Variants in SGCZ observed in about 807,000 individuals in gnomAD.
The protein encoded by SGCZ is zeta-sarcoglycan.
A neutral mutation model predicts 41.3 loss-of-function variants in SGCZ; 40 were observed. The observed-to-expected ratio is 0.97, with a 90% confidence interval of 0.75 to 1.26. The LOEUF (loss-of-function observed/expected upper bound fraction) is 1.26, where lower values mean the gene tolerates loss of function less well. Among genes scored for constraint, SGCZ ranks in the 50% most tolerant of loss-of-function variants. The pLI is 0.00. For synonymous variants in SGCZ, 206 were observed against 137.5 expected (o/e 1.50, Z -3.49); for missense variants, 552 against 369.8 (o/e 1.49, Z -4.04).
chr8:14,547,145 T>A (rs1253079602), intron 2 of SGCZ, among the ~76,000 whole-genome samples: 1 of 152,166 alleles, frequency 6.6e-6, no homozygotes, highest in Non-Finnish European at 1.5e-5. Flanking sequence ...CAATATAATA[T>A]CTTAATCAGG....
At chr8:14,786,588 A>G (rs1158219941) in intron 1 of SGCZ, among the ~76,000 whole-genome samples, 1 of 152,178 alleles carries the variant, frequency 6.6e-6, no homozygotes, top group East Asian at 1.9e-4. Flanking sequence ...CAGCTAAGCT[A>G]TCTTAAGCCA....
intron 4 of SGCZ, among the ~76,000 whole-genome samples, chr8:14,199,824 T>A (rs1461745825): frequency 6.6e-6 from 1 of 152,158 alleles, no homozygotes; most frequent in Admixed American, 6.5e-5. Context: ...AGTTCACGAC[T>A]GACAATGAAA....
intron 2 of SGCZ, among the ~76,000 whole-genome samples, chr8:14,523,181 A>G (rs1346677367): frequency 6.6e-6 from 1 of 151,980 alleles, no homozygotes; most frequent in African/African-American, 2.4e-5. Context: ...TTCTTGCTTC[A>G]TCCATAAAAT....
chr8:14,936,824 A>G (rs1585393900), intron 1 of SGCZ, among the ~76,000 whole-genome samples: 1 of 151,884 alleles, frequency 6.6e-6, no homozygotes, highest in East Asian at 1.9e-4. Context: ...AAAACAAATC[A>G]AGATAAAAAT....
intron 1 of SGCZ, among the ~76,000 whole-genome samples, chr8:15,160,155 T>C (rs1799467360): frequency 1.3e-5 from 2 of 152,150 alleles, no homozygotes; most frequent in South Asian, 4.1e-4. Context: ...AAACTCTGTA[T>C]CTTTTAAACT....
intron 1 of SGCZ, among the ~76,000 whole-genome samples, chr8:15,000,836 CTG>C (rs1802393006): frequency 6.6e-6 from 1 of 152,212 alleles, no homozygotes; most frequent in Non-Finnish European, 1.5e-5. Flanking sequence ...GTCTGTCTGT[CTG>C]TCTTGCAAGG....
chr8:14,237,928 T>G (rs995522949), intron 3 of SGCZ, among the ~76,000 whole-genome samples: 3 of 152,242 alleles, frequency 2.0e-5, no homozygotes, highest in Admixed American at 2.0e-4. Flanking sequence ...CCAACCCTAC[T>G]GATTGCTGCA....
intron 1 of SGCZ, among the ~76,000 whole-genome samples, chr8:14,702,816 GATAGATAGATA>G (rs1809191044): frequency 1.5e-4 from 1 of 6,820 alleles, no homozygotes; most frequent in East Asian, 5.0e-3. Flanking sequence ...TAGTTAGGTA[GATAGATAGATA>G]GATAGATAGA....
chr8:14,986,406 G>A (rs1313232999), intron 1 of SGCZ, among the ~76,000 whole-genome samples: 3 of 151,920 alleles, frequency 2.0e-5, no homozygotes, highest in Non-Finnish European at 4.4e-5. Context: ...TGACTGATAC[G>A]CACAGCATTT....
intron 2 of SGCZ, among the ~76,000 whole-genome samples, chr8:14,445,702 A>G (rs1800411934): frequency 1.3e-5 from 2 of 152,098 alleles, no homozygotes. Context: ...ATGCTATCAC[A>G]CCAACTATTC....
At chr8:14,895,739 G>A (rs1187550988) in intron 1 of SGCZ, among the ~76,000 whole-genome samples, 4 of 152,134 alleles carry the variant, frequency 2.6e-5, no homozygotes, top group South Asian at 2.1e-4. Context: ...GATAAGTCTC[G>A]AAAAGCAAAT....
intron 4 of SGCZ, among the ~76,000 whole-genome samples, chr8:14,233,486 T>C (rs768828548): frequency 7.2e-4 from 109 of 150,694 alleles, no homozygotes; most frequent in Non-Finnish European, 1.4e-3. Flanking sequence ...TTTTCAGTGA[T>C]CCAAATTACT....
chr8:15,202,250 C>G (rs1381741468), intron 1 of SGCZ, among the ~76,000 whole-genome samples: 2 of 152,116 alleles, frequency 1.3e-5, no homozygotes, highest in Admixed American at 1.3e-4. Flanking sequence ...AGGCCAAATG[C>G]TCATGAATCA....
chr8:15,185,189 G>C (rs1045973761), intron 1 of SGCZ, among the ~76,000 whole-genome samples: 14 of 152,104 alleles, frequency 9.2e-5, no homozygotes, highest in African/African-American at 3.4e-4. Context: ...TCAAAGTTAG[G>C]AGGAAAAAAT....
chr8:14,108,211 T>G lies in SGCZ; in HGVS notation c.572A>C (p.His191Pro). The change falls in exon 6 of 8, where the codon CAC (histidine) becomes CCC (proline). Residue 191 changes from histidine to proline, a missense_variant. Transcript: ENST00000382080. ...TCTGATGTGCGGCGTCTCCACAGAGTGCCCAAATACGGCTCCTTCAGTGCC... is the reference window on the plus strand; with the variant it reads ...TCTGATGTGCGGCGTCTCCACAGAGGGCCCAAATACGGCTCCTTCAGTGCC... ...VTGTEGAVFG[H>P]SVETPHIRAE... The G allele has an allele frequency of 1.2e-6, 2 of 1,613,958 alleles. No homozygotes were observed. The highest frequency in any genetic ancestry group is 1.7e-6 in the Non-Finnish European group (2 of 1,179,974).
At chr8:14,439,586 T>A (rs1002561033) in intron 2 of SGCZ, among the ~76,000 whole-genome samples, 2 of 151,876 alleles carry the variant, frequency 1.3e-5, no homozygotes, top group South Asian at 4.2e-4. Context: ...TCACCATTAA[T>A]AAACAGGGAG....
chr8:14,207,107 G>A (rs1805640273), intron 4 of SGCZ, among the ~76,000 whole-genome samples: 1 of 28,816 alleles, frequency 3.5e-5, no homozygotes, highest in African/African-American at 3.3e-4. Flanking sequence ...CCCTTTCGAT[G>A]TAAAGAATCA....
At chr8:14,479,540 G>A (rs1801463326) in intron 2 of SGCZ, among the ~76,000 whole-genome samples, 1 of 151,998 alleles carries the variant, frequency 6.6e-6, no homozygotes, top group African/African-American at 2.4e-5. Flanking sequence ...AAATTGACAC[G>A]CAGTATTAAC....
chr8:15,006,823 T>C (rs921500567), intron 1 of SGCZ, among the ~76,000 whole-genome samples: 1 of 152,212 alleles, frequency 6.6e-6, no homozygotes, highest in Non-Finnish European at 1.5e-5. Flanking sequence ...AGATTATTAA[T>C]ACTGGAAACC....
Sources: allele counts gnomAD v4.1 joint callset (sites outside exome capture counted in the v4.1 genomes callset), GRCh38; gene constraint gnomAD v4.1.1; transcripts MANE v1.5; gene names NCBI Gene and HGNC (gene_info 2026-07-23, HGNC 2026-07-21).